The following PCDH15 variants were observed in gnomAD, a reference collection of about 807,000 sequenced individuals.
PCDH15 encodes the protein protocadherin related 15, also known as protocadherin-15.
A neutral mutation model predicts 178.5 loss-of-function variants in PCDH15; 129 were observed. That is an observed-to-expected ratio of 0.72 (90% confidence interval 0.63 to 0.84). The LOEUF is 0.84. PCDH15 is among the 40% of genes least tolerant of loss of function. The pLI is 0.00. For missense variants in PCDH15, 2,230 were observed against 2,099.9 expected, an observed-to-expected ratio of 1.06 and a Z score of -1.21; for synonymous variants, 800 against 732.0, an observed-to-expected ratio of 1.09 and a Z score of -1.50.
At chr10:54,240,724 C>T (rs536393038) in intron 8 of PCDH15, among the ~76,000 whole-genome samples, 4 of 150,532 alleles carry the variant, frequency 2.7e-5, no homozygotes, top group Admixed American at 1.3e-4. Context: ...CTCCGCCTCC[C>T]GGGTTCACGC....
At chr10:54,472,978 G>T (rs933626588) in intron 3 of PCDH15, among the ~76,000 whole-genome samples, 1 of 152,078 alleles carries the variant, frequency 6.6e-6, no homozygotes, top group Admixed American at 6.6e-5. Flanking sequence ...AAAAATTGTT[G>T]ATTTAAAAAT....
intron 10 of PCDH15, among the ~76,000 whole-genome samples, chr10:54,202,705 G>A (rs928179071): frequency 1.1e-4 from 16 of 151,706 alleles, no homozygotes; most frequent in Non-Finnish European, 1.2e-4. Context: ...CCAGCTACTC[G>A]GGAGGCTGAG....
At chr10:54,766,937 CA>C (rs200136854) in intron 1 of PCDH15, among the ~76,000 whole-genome samples, 43 of 145,754 alleles carry the variant, frequency 3.0e-4, no homozygotes, top group Admixed American at 4.1e-4. Flanking sequence ...CTCAAAAAAA[CA>C]AAAAAAAAAA....
chr10:54,853,440 CATAT>C (rs571051361), intron 3 of PCDH15, among the ~76,000 whole-genome samples: 23 of 86,008 alleles, frequency 2.7e-4, no homozygotes, highest in South Asian at 8.1e-4. Context: ...TACACATACA[CATAT>C]ATATATATAC....
intron 3 of PCDH15, among the ~76,000 whole-genome samples, chr10:54,498,157 A>T (rs2080310211): frequency 6.6e-6 from 1 of 152,156 alleles, no homozygotes; most frequent in African/African-American, 2.4e-5. Context: ...TATATACAGC[A>T]TACTTAAAGA....
intron 2 of PCDH15, among the ~76,000 whole-genome samples, chr10:55,472,551 G>GA (rs1469761641): frequency 4.2e-5 from 6 of 143,084 alleles, no homozygotes; most frequent in African/African-American, 1.0e-4. Flanking sequence ...TTGAAAAGGA[G>GA]AAAAAACACA....
intron 21 of PCDH15, among the ~76,000 whole-genome samples, chr10:53,962,211 C>T (rs570761807): frequency 1.3e-5 from 2 of 152,202 alleles, no homozygotes; most frequent in East Asian, 3.9e-4. Flanking sequence ...CACCCAATAT[C>T]TCCTTTTTTA....
chr10:55,503,579 T>C (rs903298167), intron 2 of PCDH15, among the ~76,000 whole-genome samples: 51 of 151,304 alleles, frequency 3.4e-4, no homozygotes, highest in African/African-American at 1.1e-3. Context: ...TTTTAAACTA[T>C]TGGTAATATT....
chr10:54,021,818 C>T (rs1448240664), intron 19 of PCDH15, among the ~76,000 whole-genome samples: 1 of 151,832 alleles, frequency 6.6e-6, no homozygotes, highest in African/African-American at 2.4e-5. Context: ...TTTTGTTCAC[C>T]TTTGTATCCC....
At chr10:55,567,205 G>A (rs533725470) in intron 2 of PCDH15, among the ~76,000 whole-genome samples, 6 of 152,000 alleles carry the variant, frequency 3.9e-5, no homozygotes, top group African/African-American at 1.4e-4. Context: ...AATAAATGTT[G>A]CAGGGAAAAT....
intron 3 of PCDH15, among the ~76,000 whole-genome samples, chr10:54,457,069 T>A (rs2076871836): frequency 6.6e-6 from 1 of 152,178 alleles, no homozygotes; most frequent in Non-Finnish European, 1.5e-5. Context: ...TTTCAGCTTT[T>A]GTTTCTTAGG....
intron 1 of PCDH15, among the ~76,000 whole-genome samples, chr10:55,275,051 T>A (rs556868204): frequency 6.6e-6 from 1 of 152,072 alleles, no homozygotes; most frequent in Admixed American, 6.5e-5. Context: ...CTTACCATAT[T>A]TCTGTGATGT....
intron 2 of PCDH15, among the ~76,000 whole-genome samples, chr10:55,622,453 CATAGTT>C (rs1837426842): frequency 6.6e-6 from 1 of 151,710 alleles, no homozygotes; most frequent in Non-Finnish European, 1.5e-5. Context: ...AATGAAAAAA[CATAGTT>C]ATATAAATCA....
At chr10:54,001,707 T>C (rs1273695952) in intron 20 of PCDH15, among the ~76,000 whole-genome samples, 2 of 151,144 alleles carry the variant, frequency 1.3e-5, no homozygotes, top group Non-Finnish European at 3.0e-5. Flanking sequence ...ATGGAAGCAA[T>C]AGGTCCTTAG....
chr10:55,101,701 T>C (rs1842581249), intron 2 of PCDH15, among the ~76,000 whole-genome samples: 1 of 151,532 alleles, frequency 6.6e-6, no homozygotes, highest in Admixed American at 6.6e-5. Context: ...AAAAATACAA[T>C]GTGATACAAT....
intron 8 of PCDH15, among the ~76,000 whole-genome samples, chr10:54,258,058 C>T (rs2057051398): frequency 6.6e-6 from 1 of 152,042 alleles, no homozygotes; most frequent in Admixed American, 6.6e-5. Flanking sequence ...TTAATTGGTA[C>T]ATTCAAAGTC....
At chr10:54,986,450 T>C (rs1839366500) in intron 2 of PCDH15, among the ~76,000 whole-genome samples, 1 of 152,224 alleles carries the variant, frequency 6.6e-6, no homozygotes, top group Non-Finnish European at 1.5e-5. Flanking sequence ...TACTGAATTT[T>C]CCCACTAGAC....
intron 1 of PCDH15, among the ~76,000 whole-genome samples, chr10:54,743,490 C>A (rs956652439): frequency 6.6e-6 from 1 of 151,856 alleles, no homozygotes; most frequent in Non-Finnish European, 1.5e-5. Flanking sequence ...CGAAAAGATG[C>A]CATAATCGGA....
At chr10:54,685,147 A>G (rs1367041303) in intron 1 of PCDH15, among the ~76,000 whole-genome samples, 1 of 151,906 alleles carries the variant, frequency 6.6e-6, no homozygotes, top group Non-Finnish European at 1.5e-5. Flanking sequence ...CCTCCTCCAT[A>G]TCTTGTCCCA....
Sources: allele counts gnomAD v4.1 joint callset (sites outside exome capture counted in the v4.1 genomes callset), GRCh38; gene constraint gnomAD v4.1.1; transcripts MANE v1.5; gene names NCBI Gene and HGNC (gene_info 2026-07-23, HGNC 2026-07-21).